Variants in GTF2E1 observed in about 807,000 individuals in gnomAD.
GTF2E1 encodes the protein TFIIE alpha subunit.
A neutral mutation model predicts 34.9 loss-of-function variants in GTF2E1; 14 were observed. That is an observed-to-expected ratio of 0.40 (90% confidence interval 0.27 to 0.63). The LOEUF is 0.63. Ranked by LOEUF, GTF2E1 falls within the 20% of genes least tolerant of loss-of-function variation. GTF2E1 has a pLI of 0.39. For missense variants in GTF2E1, 469 were observed against 557.7 expected (o/e 0.84, Z 1.60); for synonymous variants, 188 against 192.9 (o/e 0.97, Z 0.21).
chr3:120,779,751 C>A (rs536843031), intron 4 of GTF2E1, among the ~76,000 whole-genome samples: 2 of 152,182 alleles, frequency 1.3e-5, no homozygotes, highest in Non-Finnish European at 2.9e-5. Context: ...TTAATCCCCA[C>A]AGTAATCTAG....
chr3:120,776,788 G>A, intron 4 of GTF2E1, 124 bp downstream of exon 4: 1 of 785,636 alleles, frequency 1.3e-6, no homozygotes, highest in South Asian at 2.1e-5. Flanking sequence ...CATTATATTA[G>A]GAAGTAAGAA....
chr3:120,770,683 T>A, intron 2 of GTF2E1, 45 bp from the exon 3 acceptor site: 2 of 1,384,682 alleles, frequency 1.4e-6, no homozygotes, highest in Non-Finnish European at 2.1e-6. Flanking sequence ...ATAAACTATC[T>A]GCTAAAGTCT....
At chr3:120,763,617 T>G (rs1431928699) in intron 2 of GTF2E1, among the ~76,000 whole-genome samples, 1 of 152,196 alleles carries the variant, frequency 6.6e-6, no homozygotes, top group Non-Finnish European at 1.5e-5. Context: ...CTGTGAAATG[T>G]CTTTTGTTTT....
chr3:120,766,773 T>G (rs1709313572), intron 2 of GTF2E1, among the ~76,000 whole-genome samples: 1 of 152,120 alleles, frequency 6.6e-6, no homozygotes, highest in Non-Finnish European at 1.5e-5. Flanking sequence ...TACTAAAGCT[T>G]CTTGCTGACT....
At chr3:120,754,387 C>T (rs1288757979) in intron 2 of GTF2E1, among the ~76,000 whole-genome samples, 2 of 152,240 alleles carry the variant, frequency 1.3e-5, no homozygotes, top group East Asian at 3.8e-4. Context: ...AGTTTATGAT[C>T]TCTTGGTTTC....
At chr3:120,771,049 C>G (rs903817586) in intron 3 of GTF2E1, 120 bp downstream of exon 3, 1 of 799,154 alleles carries the variant, frequency 1.3e-6, no homozygotes, top group East Asian at 2.5e-5. Context: ...TGTAATGTTA[C>G]GTAGGTTCTC....
At chr3:120,749,532 T>C (rs982977939) in intron 1 of GTF2E1, among the ~76,000 whole-genome samples, 4 of 152,128 alleles carry the variant, frequency 2.6e-5, no homozygotes, top group African/African-American at 9.7e-5. Flanking sequence ...TTGTCTTTGG[T>C]TCTGTTTATA....
At chr3:120,749,695 C>G (rs1362813269) in intron 1 of GTF2E1, 1 of 152,174 alleles carries the variant, frequency 6.6e-6, no homozygotes, top group Non-Finnish European at 1.5e-5. Flanking sequence ...CAATGTTCAT[C>G]AAGGATATTG....
intron 4 of GTF2E1, among the ~76,000 whole-genome samples, chr3:120,778,732 C>T (rs1246014893): frequency 6.6e-6 from 1 of 152,116 alleles, no homozygotes; most frequent in Non-Finnish European, 1.5e-5. Context: ...TTGTTTGTTG[C>T]TTTGGTTCTG....
At chr3:120,767,219 G>A (rs1576360896) in intron 2 of GTF2E1, among the ~76,000 whole-genome samples, 1 of 152,112 alleles carries the variant, frequency 6.6e-6, no homozygotes, top group Admixed American at 6.6e-5. Flanking sequence ...GTCTTGGCAA[G>A]CAGAGATACA....
At chr3:120,780,452 C>G (rs1709437259) in intron 4 of GTF2E1, among the ~76,000 whole-genome samples, 1 of 151,868 alleles carries the variant, frequency 6.6e-6, no homozygotes, top group Non-Finnish European at 1.5e-5. Context: ...ATGCAAAGGC[C>G]CTGAGGTAGG....
intron 2 of GTF2E1, among the ~76,000 whole-genome samples, chr3:120,763,123 A>G (rs910129059): frequency 2.6e-5 from 4 of 152,118 alleles, no homozygotes; most frequent in Admixed American, 2.6e-4. Context: ...TTCCGCATAT[A>G]TATATTCTAT....
At chr3:120,751,543 T>C (rs1412208127) in intron 2 of GTF2E1, among the ~76,000 whole-genome samples, 1 of 152,180 alleles carries the variant, frequency 6.6e-6, no homozygotes, top group Non-Finnish European at 1.5e-5. Context: ...ATACACATTA[T>C]TGTTGGAAGA....
chr3:120,757,192 T>C (rs1270405182), intron 2 of GTF2E1, among the ~76,000 whole-genome samples: 1 of 152,154 alleles, frequency 6.6e-6, no homozygotes, highest in Non-Finnish European at 1.5e-5. Context: ...CATACTTCAG[T>C]TTGTTGTTTT....
At chr3:120,755,574 C>T (rs908695864) in intron 2 of GTF2E1, among the ~76,000 whole-genome samples, 3 of 152,056 alleles carry the variant, frequency 2.0e-5, no homozygotes, top group South Asian at 2.1e-4. Flanking sequence ...GTAATAATCA[C>T]GTCATGGAGA....
chr3:120,772,146 C>T lies in GTF2E1; in HGVS notation c.650+1217C>T, dbSNP rs181477055. Among the ~76,000 whole-genome samples, 10 of 152,180 alleles carry T rather than the reference C, an allele frequency of 6.6e-5. No homozygotes were observed. In the East Asian group the frequency reaches 1.5e-3, roughly 23 times the overall value. On this transcript the variant is annotated intron_variant, in intron 3 of 4. Transcript: ENST00000283875. ...AATGTCCAAATGCAGAAAAAGGGAC[C>T]GTCCCTTCCTTGTGTCCTATTTTAA...
intron 3 of GTF2E1, among the ~76,000 whole-genome samples, chr3:120,771,990 A>G (rs1311959361): frequency 1.3e-5 from 2 of 152,168 alleles, no homozygotes; most frequent in Non-Finnish European, 1.5e-5. Context: ...CAGCTCAATT[A>G]TATCTTCAGG....
At chr3:120,752,895 C>T (rs1000526322) in intron 2 of GTF2E1, among the ~76,000 whole-genome samples, 15 of 152,040 alleles carry the variant, frequency 9.9e-5, no homozygotes, top group Admixed American at 8.5e-4. Context: ...GGGAGGGTGC[C>T]CTGGTCAGCC....
intron 1 of GTF2E1, among the ~76,000 whole-genome samples, chr3:120,747,550 C>T (rs1342244173): frequency 1.3e-5 from 2 of 152,192 alleles, no homozygotes; most frequent in African/African-American, 2.4e-5. Context: ...TTTCCAATTT[C>T]ATCCATGTCC....
Sources: gnomAD v4.1 joint callset for allele counts (sites outside exome capture counted in the v4.1 genomes callset) on GRCh38, gnomAD v4.1.1 for gene constraint, MANE v1.5 for transcripts, NCBI Gene and HGNC (gene_info 2026-07-23, HGNC 2026-07-21) for gene names.